Variants in CHST8 observed in about 807,000 individuals in gnomAD.
CHST8 encodes the protein carbohydrate sulfotransferase 8, also known as GALNAC-4-ST1.
A neutral mutation model predicts 15.0 loss-of-function variants in CHST8; 10 were observed. The ratio of observed to expected loss-of-function variants is 0.67; its 90% CI spans 0.41 to 1.13. The LOEUF is 1.13. CHST8 is among the 50% of genes most tolerant of loss of function. The pLI, the probability that CHST8 is intolerant of heterozygous loss-of-function variation, is 0.00. For synonymous variants in CHST8, 259 were observed against 256.6 expected, an observed-to-expected ratio of 1.01 and a Z score of -0.09; for missense variants, 634 against 608.2, an observed-to-expected ratio of 1.04 and a Z score of -0.45.
intron 3 of CHST8, among the ~76,000 whole-genome samples, chr19:33,726,894 C>T (rs1244966764): frequency 2.6e-5 from 4 of 151,932 alleles, no homozygotes; most frequent in Non-Finnish European, 5.9e-5. Flanking sequence ...GCTGCTCCTG[C>T]TCCCCCACCT....
intron 3 of CHST8, among the ~76,000 whole-genome samples, chr19:33,703,007 C>T (rs1312243623): frequency 6.6e-6 from 1 of 152,228 alleles, no homozygotes; most frequent in African/African-American, 2.4e-5. Context: ...TCCCCCACCT[C>T]TGTTCCCATT....
chr19:33,771,407 T>C lies in CHST8; in HGVS notation c.131-6T>C. ...AATACTGTCCTCTCCTCTGTTTGCT[T>C]TTCAGGAATAAAGTTCAACATCAGG... On this transcript the variant is annotated splice_region_variant and splice_polypyrimidine_tract_variant and intron_variant, in intron 3 of 4. Transcript: ENST00000650847. 1 of 1,614,068 alleles carries C rather than the reference T, an allele frequency of 6.2e-7. No individual in the cohort carries two copies. Among genetic ancestry groups the C allele is most frequent in the Non-Finnish European group, 8.5e-7 (1 of 1,179,954 alleles).
chr19:33,767,699 A>C (rs1055888516), intron 3 of CHST8, among the ~76,000 whole-genome samples: 1 of 152,186 alleles, frequency 6.6e-6, no homozygotes, highest in Middle Eastern at 3.2e-3. Flanking sequence ...TGAACCTTAT[A>C]TTGACAGGAG....
At chr19:33,760,373 A>G (rs1398000865) in intron 3 of CHST8, among the ~76,000 whole-genome samples, 2 of 127,640 alleles carry the variant, frequency 1.6e-5, no homozygotes, top group African/African-American at 6.1e-5. Context: ...GCTGGAGTGC[A>G]GTGGTGCAAT....
chr19:33,760,111 G>T (rs1599634078), intron 3 of CHST8, among the ~76,000 whole-genome samples: 1 of 152,154 alleles, frequency 6.6e-6, no homozygotes, highest in East Asian at 1.9e-4. Context: ...CAACCTTTCT[G>T]CTGTATCTTT....
At chr19:33,637,873 AAAAG>A (rs1275933282) in intron 1 of CHST8, among the ~76,000 whole-genome samples, 1 of 150,472 alleles carries the variant, frequency 6.6e-6, no homozygotes, top group African/African-American at 2.4e-5. Flanking sequence ...AAAAAAAAAA[AAAAG>A]AAAGGTCCCA....
chr19:33,655,940 A>AT (rs1972505382), intron 1 of CHST8, among the ~76,000 whole-genome samples: 1 of 151,962 alleles, frequency 6.6e-6, no homozygotes, highest in African/African-American at 2.4e-5. Context: ...TCTTTTTCTA[A>AT]TTTTTTAAGT....
intron 2 of CHST8, among the ~76,000 whole-genome samples, chr19:33,672,954 G>A (rs1463792245): frequency 6.6e-6 from 1 of 152,212 alleles, no homozygotes; most frequent in South Asian, 2.1e-4. Context: ...GACCCAGGCA[G>A]GACGCGCCCA....
At chr19:33,770,606 G>C (rs566720901) in intron 3 of CHST8, among the ~76,000 whole-genome samples, 2 of 152,254 alleles carry the variant, frequency 1.3e-5, no homozygotes, top group Admixed American at 1.3e-4. Context: ...ACCAGAGCTT[G>C]CTTCTTAGGT....
intron 1 of CHST8, among the ~76,000 whole-genome samples, chr19:33,656,118 C>T (rs964552743): frequency 1.3e-5 from 2 of 152,098 alleles, no homozygotes; most frequent in African/African-American, 4.8e-5. Context: ...TTTATTTCCT[C>T]CTTGATGCAA....
chr19:33,645,375 G>A (rs556215111), intron 1 of CHST8, among the ~76,000 whole-genome samples: 1 of 152,312 alleles, frequency 6.6e-6, no homozygotes, highest in African/African-American at 2.4e-5. Flanking sequence ...TTTAAAACAG[G>A]TTCCCTGTTG....
intron 3 of CHST8, among the ~76,000 whole-genome samples, chr19:33,737,410 G>A (rs868063121): frequency 4.6e-5 from 7 of 152,148 alleles, no homozygotes; most frequent in South Asian, 2.1e-4. Context: ...ACACGCATTC[G>A]GAACTGTCCC....
chr19:33,771,828 TAC>T, intron 4 of CHST8, 127 bp from the exon 5 acceptor site: 1 of 1,152,002 alleles, frequency 8.7e-7, no homozygotes, highest in Non-Finnish European at 1.2e-6. Flanking sequence ...GGGTCTCACC[TAC>T]AGAGTCAGCC....
intron 1 of CHST8, among the ~76,000 whole-genome samples, chr19:33,648,669 A>G (rs1353838480): frequency 6.6e-6 from 1 of 152,318 alleles, no homozygotes; most frequent in African/African-American, 2.4e-5. Flanking sequence ...GAGGTTAAGC[A>G]TAGATTTACC....
chr19:33,674,663 G>C (rs1268434462), intron 2 of CHST8, among the ~76,000 whole-genome samples: 1 of 152,156 alleles, frequency 6.6e-6, no homozygotes. Context: ...GGAGAGGAGC[G>C]GGAGGCACAG....
chr19:33,722,719 G>C (rs971665863), intron 3 of CHST8, among the ~76,000 whole-genome samples: 1 of 151,954 alleles, frequency 6.6e-6, no homozygotes. Context: ...TTCCCACCCC[G>C]AGCGTAACTC....
intron 1 of CHST8, among the ~76,000 whole-genome samples, chr19:33,625,717 C>T (rs1972043751): frequency 6.6e-6 from 1 of 151,954 alleles, no homozygotes; most frequent in Non-Finnish European, 1.5e-5. Context: ...CAAAAATTAG[C>T]CGGGCATGGT....
intron 3 of CHST8, among the ~76,000 whole-genome samples, chr19:33,700,216 T>C (rs1206182154): frequency 1.3e-5 from 2 of 152,232 alleles, no homozygotes; most frequent in Non-Finnish European, 2.9e-5. Context: ...TCTAACGGCA[T>C]TGCGGAACAT....
At chr19:33,644,243 T>TATC (rs1972321051) in intron 1 of CHST8, among the ~76,000 whole-genome samples, 1 of 152,160 alleles carries the variant, frequency 6.6e-6, no homozygotes, top group Non-Finnish European at 1.5e-5. Flanking sequence ...TTACTGTATT[T>TATC]ATTATTATTA....
Sources: allele counts gnomAD v4.1 joint callset (sites outside exome capture counted in the v4.1 genomes callset), GRCh38; gene constraint gnomAD v4.1.1; transcripts MANE v1.5; gene names NCBI Gene and HGNC (gene_info 2026-07-23, HGNC 2026-07-21).